RGSL1: variants seen among roughly 807,000 people sequenced by gnomAD.
RGSL1 encodes regulator of G protein signaling protein-like.
A neutral mutation model predicts 124.7 loss-of-function variants in RGSL1; 97 were observed. That is an observed-to-expected ratio of 0.78 (90% confidence interval 0.66 to 0.92). The LOEUF is 0.92. RGSL1 is among the 40% of genes least tolerant of loss of function. The pLI is 0.00. For missense variants in RGSL1, 1,233 were observed against 1,288.4 expected, an observed-to-expected ratio of 0.96 and a Z score of 0.66; for synonymous variants, 424 against 438.1, an observed-to-expected ratio of 0.97 and a Z score of 0.40.
chr1:182,454,287 T>C (rs993169601), intron 2 of RGSL1, among the ~76,000 whole-genome samples: 1 of 152,186 alleles, frequency 6.6e-6, no homozygotes, highest in African/African-American at 2.4e-5. Context: ...TGCCTTTACC[T>C]GTCCAAAGTT....
chr1:182,460,228 ATGTG>A (rs369221755), intron 4 of RGSL1, 95 bp downstream of exon 4: 53 of 1,352,646 alleles, frequency 3.9e-5, no homozygotes, highest in Admixed American at 7.8e-5. Flanking sequence ...TTATGCCTGT[ATGTG>A]TGTGTGTGTG....
intron 9 of RGSL1, among the ~76,000 whole-genome samples, chr1:182,498,859 C>T (rs1316240859): frequency 6.7e-6 from 1 of 149,686 alleles, no homozygotes; most frequent in African/African-American, 2.5e-5. Context: ...ATGGCACGAT[C>T]TTGGCTCACT....
rs115026947 is a variant in RGSL1, at chr1:182,548,010, C to T, written c.2670-307C>T. Among the ~76,000 whole-genome samples the T allele has an allele frequency of 7.3e-3, 1,109 of 152,294 alleles. 16 individuals carry two copies. Among genetic ancestry groups the T allele is most frequent in the African/African-American group, 0.025 (1,047 of 41,562 alleles). The stretch of plus-strand genomic sequence containing the variant: ...CAGGAGAGGGAAGAGCAAGATAGTC[C>T]TTAGGCCTTGAAGTCATTAGAGGTG... On this transcript the variant is annotated intron_variant, in intron 15 of 21. Coordinates refer to ENST00000294854, the MANE Select transcript of RGSL1 (RefSeq NM_001137669.2).
At chr1:182,555,773 C>T in intron 20 of RGSL1, 1 of 481,942 alleles carries the variant, frequency 2.1e-6, no homozygotes. Context: ...TTTGCCCGTC[C>T]CAGTGCCCAG....
At chr1:182,509,692 A>C (rs1657206366) in intron 9 of RGSL1, among the ~76,000 whole-genome samples, 1 of 129,196 alleles carries the variant, frequency 7.7e-6, no homozygotes, top group African/African-American at 3.0e-5. Context: ...TCCCTCCCGG[A>C]CGGCACGGCT....
intron 9 of RGSL1, among the ~76,000 whole-genome samples, chr1:182,509,632 T>C (rs1657190221): frequency 2.5e-5 from 3 of 118,252 alleles, no homozygotes; most frequent in African/African-American, 6.8e-5. Context: ...GAGGCGCCCC[T>C]CACCTCCCGG....
In RGSL1 at chr1:182,454,524, C is replaced by A. The variant is rs115562401; in HGVS notation, c.96+484C>A. ...AATTCCTAGGTCCTCAGCATTGGAA[C>A]CTCCTGATGGGAACTTCTCTGCTTC... is the stretch of plus-strand genomic sequence containing the variant. On this transcript the variant is annotated intron_variant, in intron 2 of 21. Coordinates refer to ENST00000294854, the MANE Select transcript of RGSL1 (RefSeq NM_001137669.2). Among the ~76,000 whole-genome samples, 369 of 152,140 alleles carry A rather than the reference C, an allele frequency of 2.4e-3. 6 individuals carry two copies. The highest frequency in any genetic ancestry group is 8.3e-3 in the African/African-American group (345 of 41,474).
intron 9 of RGSL1, among the ~76,000 whole-genome samples, chr1:182,500,453 C>T (rs1415013595): frequency 6.6e-6 from 1 of 152,078 alleles, no homozygotes; most frequent in Non-Finnish European, 1.5e-5. Flanking sequence ...GTGAGTCCTT[C>T]AATTTTATTT....
At chr1:182,459,884 A>G in intron 3 of RGSL1, 120 bp from the exon 4 acceptor site, 1 of 1,231,988 alleles carries the variant, frequency 8.1e-7, no homozygotes, top group Non-Finnish European at 1.1e-6. Context: ...TAATCAACAC[A>G]CCTATCCTTC....
chr1:182,482,748 A>C (rs1162600422), intron 6 of RGSL1, among the ~76,000 whole-genome samples: 2 of 152,202 alleles, frequency 1.3e-5, no homozygotes, highest in East Asian at 3.9e-4. Flanking sequence ...TCACCTTTTG[A>C]TCCAGCAATC....
At chr1:182,553,281 C>A (rs1202337631) in intron 18 of RGSL1, among the ~76,000 whole-genome samples, 174 bp from the exon 19 acceptor site, 5 of 152,158 alleles carry the variant, frequency 3.3e-5, no homozygotes, top group Admixed American at 3.3e-4. Flanking sequence ...GTTTTGGAGG[C>A]AACATTCAAA....
chr1:182,539,447 T>A (rs3843289), intron 14 of RGSL1, among the ~76,000 whole-genome samples: 78,199 of 151,360 alleles, frequency 0.52, 20,399 homozygotes, highest in Non-Finnish European at 0.55. Context: ...TATACAACAC[T>A]AAACCAAAAG....
At chr1:182,506,992 T>C (rs1166219522) in intron 9 of RGSL1, among the ~76,000 whole-genome samples, 5 of 148,088 alleles carry the variant, frequency 3.4e-5, no homozygotes, top group African/African-American at 5.0e-5. Context: ...TCTTTTTTTT[T>C]TTTTTTTTTT....
intron 7 of RGSL1, 109 bp from the exon 8 acceptor site, chr1:182,488,871 C>CT: frequency 1.2e-6 from 1 of 823,286 alleles, no homozygotes; most frequent in Admixed American, 2.5e-5. Context: ...AAACAACCTG[C>CT]ATAAGACCAT....
intron 13 of RGSL1, 150 bp from the exon 14 acceptor site, chr1:182,532,512 C>T (rs1329802213): frequency 4.6e-6 from 3 of 650,862 alleles, no homozygotes; most frequent in Non-Finnish European, 7.4e-6. Flanking sequence ...ACCTGAGTTT[C>T]CTCACCTTTA....
chr1:182,550,328 A>G (rs1027407804), intron 17 of RGSL1: 3 of 152,188 alleles, frequency 2.0e-5, no homozygotes, highest in African/African-American at 7.2e-5. Context: ...CTGGGGAAGG[A>G]GACCCAGTTC....
At chr1:182,471,255 T>C (rs1330142046) in intron 4 of RGSL1, 1 of 457,386 alleles carries the variant, frequency 2.2e-6, no homozygotes, top group South Asian at 1.5e-5. Context: ...TCATTCTCCC[T>C]CTCTTATGGT....
intron 9 of RGSL1, among the ~76,000 whole-genome samples, chr1:182,495,409 C>G (rs572723641): frequency 6.6e-6 from 1 of 152,300 alleles, no homozygotes; most frequent in South Asian, 2.1e-4. Flanking sequence ...AAGATCTCCA[C>G]ATGTCATGTT....
At chr1:182,550,796 G>A (rs1660511711) in intron 17 of RGSL1, 1 of 318,026 alleles carries the variant, frequency 3.1e-6, no homozygotes, top group Admixed American at 4.5e-5. Context: ...CACCCCAGGG[G>A]TTAACCTCAC....
Sources: allele counts gnomAD v4.1 joint callset (sites outside exome capture counted in the v4.1 genomes callset), GRCh38; gene constraint gnomAD v4.1.1; transcripts MANE v1.5; gene names NCBI Gene and HGNC (gene_info 2026-07-23, HGNC 2026-07-21).